FLI1: variants seen among roughly 807,000 people sequenced by gnomAD.
FLI1 encodes Friend leukemia integration 1 transcription factor.
In FLI1, 13 loss-of-function variants were observed where a neutral mutation model predicts 53.1. The ratio of observed to expected loss-of-function variants is 0.24; its 90% confidence interval spans 0.16 to 0.39. The LOEUF (loss-of-function observed/expected upper bound fraction) is 0.39, where lower values mean the gene tolerates loss of function less well. Ranked by LOEUF, FLI1 falls within the 10% of genes least tolerant of loss-of-function variation. The pLI, the probability that FLI1 is intolerant of heterozygous loss-of-function variation, is 1.00. For missense variants in FLI1, 424 were observed against 600.5 expected, an observed-to-expected ratio of 0.71 and a Z score of 3.07; for synonymous variants, 244 against 236.7, an observed-to-expected ratio of 1.03 and a Z score of -0.28.
chr11:128,797,543 T>C (rs1322684504), intron 5 of FLI1, among the ~76,000 whole-genome samples: 1 of 152,264 alleles, frequency 6.6e-6, no homozygotes, highest in Non-Finnish European at 1.5e-5. Context: ...TCTGGTTTTC[T>C]CTTCTTCATA....
intron 1 of FLI1, among the ~76,000 whole-genome samples, chr11:128,703,282 A>G (rs1417772666): frequency 1.3e-5 from 2 of 152,194 alleles, no homozygotes; most frequent in East Asian, 3.9e-4. Flanking sequence ...CTATTTGAGA[A>G]GTTAACTATT....
At chr11:128,712,533 T>C (rs1262864096) in intron 1 of FLI1, among the ~76,000 whole-genome samples, 1 of 151,860 alleles carries the variant, frequency 6.6e-6, no homozygotes, top group Non-Finnish European at 1.5e-5. Context: ...AAGAAAGAGG[T>C]TTATTGGACT....
rs140236797 is a variant in FLI1 at position 128,768,343 on chromosome 11, A to T, written c.385+71A>T. ...CTCTGGGGGGGCAGGGAGCATCTAA[A>T]CCTTTATCTGATACTCTATTCCCTG... is the stretch of plus-strand genomic sequence containing the variant. On this transcript the variant is annotated intron_variant, in intron 3 of 8. Transcript: ENST00000527786. The T allele has an allele frequency of 2.8e-5, 44 of 1,566,562 alleles. No individual in the cohort carries two copies. The African/African-American group carries it at 5.7e-4, about 20-fold the overall frequency.
rs372817629 is a variant in FLI1 at position 128,694,209 on chromosome 11, A to G, written c.-50A>G. ...GAAGGGGCTGCGAGGTCAGGCTGTA[A>G]CCGGGTCAATGTGTGGAATATTGGG... On this transcript the variant is annotated 5_prime_UTR_variant, in exon 1 of 9. Coordinates refer to ENST00000527786, the MANE Select transcript of FLI1 (RefSeq NM_002017.5). The G allele has an allele frequency of 2.0e-5, 31 of 1,524,606 alleles. No homozygotes were observed. Among genetic ancestry groups the G allele is most frequent in the Non-Finnish European group, 2.7e-5 (31 of 1,136,770 alleles). 94.4% of individuals were successfully genotyped at this position (1,524,606 alleles called of 1,614,324 possible). A position where few individuals can be genotyped will look rare whatever the true frequency, so the allele number is the denominator to read the frequency against.
At chr11:128,707,192 T>C (rs975495204) in intron 1 of FLI1, among the ~76,000 whole-genome samples, 1 of 152,188 alleles carries the variant, frequency 6.6e-6, no homozygotes, top group African/African-American at 2.4e-5. Flanking sequence ...TCAATAGCCC[T>C]GTACCCAAGT....
chr11:128,698,290 G>A (rs1273419340), intron 1 of FLI1, among the ~76,000 whole-genome samples: 2 of 152,168 alleles, frequency 1.3e-5, no homozygotes, highest in African/African-American at 4.8e-5. Flanking sequence ...CATGTCACCT[G>A]GATTCACAAG....
chr11:128,735,659 G>A (rs12275755), intron 1 of FLI1, among the ~76,000 whole-genome samples: 2,227 of 152,288 alleles, frequency 0.015, 59 homozygotes, highest in African/African-American at 0.051. Context: ...TATCACAGCT[G>A]TGTGACCCAT....
At chr11:128,704,423 C>T (rs1938469653) in intron 1 of FLI1, among the ~76,000 whole-genome samples, 1 of 152,278 alleles carries the variant, frequency 6.6e-6, no homozygotes, top group South Asian at 2.1e-4. Context: ...AAGAATAGGG[C>T]CTGACGCCAC....
intron 1 of FLI1, among the ~76,000 whole-genome samples, chr11:128,721,490 AC>A (rs1347254826): frequency 1.3e-5 from 2 of 152,284 alleles, no homozygotes; most frequent in African/African-American, 4.8e-5. Flanking sequence ...TGAAATTGTG[AC>A]CCTGTCCTTA....
chr11:128,755,929 C>T (rs998881390), intron 1 of FLI1, among the ~76,000 whole-genome samples: 1 of 152,194 alleles, frequency 6.6e-6, no homozygotes, highest in Non-Finnish European at 1.5e-5. Context: ...AGAAGAGCCT[C>T]CCTTTTTGAA....
At chr11:128,754,062 C>T (rs1372276689) in intron 1 of FLI1, among the ~76,000 whole-genome samples, 3 of 144,968 alleles carry the variant, frequency 2.1e-5, no homozygotes, top group Non-Finnish European at 1.5e-5. Flanking sequence ...GGGGCCCTCA[C>T]CTCCCTTCCC....
chr11:128,790,113 G>A (rs550524214), intron 5 of FLI1, among the ~76,000 whole-genome samples: 2 of 151,618 alleles, frequency 1.3e-5, no homozygotes, highest in Non-Finnish European at 2.9e-5. Flanking sequence ...TGCTGTTTCT[G>A]TGGTCCAAAG....
At chr11:128,781,883 C>A in intron 4 of FLI1, 75 bp from the exon 5 acceptor site, 3 of 1,155,988 alleles carry the variant, frequency 2.6e-6, no homozygotes, top group Non-Finnish European at 3.9e-6. Context: ...CTTTCTACTC[C>A]CTCCTCATGT....
At chr11:128,695,320 C>G (rs921235673) in intron 1 of FLI1, among the ~76,000 whole-genome samples, 2 of 152,248 alleles carry the variant, frequency 1.3e-5, no homozygotes, top group African/African-American at 4.8e-5. Context: ...CCTAACGTGA[C>G]GGGCCTTAGA....
At chr11:128,689,900 T>C (rs868215363), upstream of FLI1, among the ~76,000 whole-genome samples, 1 of 149,084 alleles carries the variant, frequency 6.7e-6, no homozygotes, top group South Asian at 2.2e-4. Context: ...CGTAGCGTTC[T>C]GAACCCGCTC....
At chr11:128,792,599 A>G (rs1299555446) in intron 5 of FLI1, among the ~76,000 whole-genome samples, 1 of 152,186 alleles carries the variant, frequency 6.6e-6, no homozygotes, top group Admixed American at 6.5e-5. Flanking sequence ...CATGGAGACA[A>G]ACGGGCTTCA....
intron 1 of FLI1, among the ~76,000 whole-genome samples, chr11:128,757,522 C>A (rs1940940781): frequency 6.6e-6 from 1 of 152,172 alleles, no homozygotes; most frequent in Non-Finnish European, 1.5e-5. Flanking sequence ...ATCCACCTAT[C>A]GACTCTGTGC....
intron 1 of FLI1, among the ~76,000 whole-genome samples, chr11:128,740,207 A>G (rs938450658): frequency 6.6e-6 from 1 of 152,266 alleles, no homozygotes; most frequent in African/African-American, 2.4e-5. Flanking sequence ...ATGGACAGAG[A>G]GAGATCAGAC....
At chr11:128,764,755 G>GGGA (rs1941264498) in intron 2 of FLI1, 2 of 1,587,538 alleles carry the variant, frequency 1.3e-6, no homozygotes, top group Non-Finnish European at 1.7e-6. Flanking sequence ...GGCTTGCGCT[G>GGGA]GCTGGAGGAG....
Sources: gnomAD v4.1 joint callset for allele counts (sites outside exome capture counted in the v4.1 genomes callset) on GRCh38, gnomAD v4.1.1 for gene constraint, MANE v1.5 for transcripts, NCBI Gene and HGNC (gene_info 2026-07-23, HGNC 2026-07-21) for gene names.